HS1BP3: variants seen among roughly 807,000 people sequenced by gnomAD.
HS1BP3 encodes HCLS1 binding protein 3.
Under a neutral mutation model 33.5 loss-of-function variants are expected in HS1BP3, and 32 were observed. The observed-to-expected ratio is 0.95, with a 90% CI of 0.72 to 1.28. The LOEUF is 1.28. Ranked by LOEUF, HS1BP3 falls within the 50% of genes most tolerant of loss-of-function variation. HS1BP3 has a pLI of 0.00. For missense variants in HS1BP3, 486 were observed against 502.3 expected, an observed-to-expected ratio of 0.97 and a Z score of 0.31; for synonymous variants, 187 against 209.2, an observed-to-expected ratio of 0.89 and a Z score of 0.92.
chr2:20,608,574 CAAAA>C (rs60486220), intron 2 of HS1BP3, among the ~76,000 whole-genome samples: 7 of 96,360 alleles, frequency 7.3e-5, no homozygotes, highest in Admixed American at 1.1e-4. Flanking sequence ...AACTCCGTCT[CAAAA>C]AAAAAAAAAA....
chr2:20,631,764 C>T (rs1010514610), intron 4 of HS1BP3, among the ~76,000 whole-genome samples: 6 of 152,092 alleles, frequency 3.9e-5, no homozygotes, highest in Admixed American at 6.6e-5. Flanking sequence ...TGCCCCTCAC[C>T]CATCCTGGCT....
downstream of HS1BP3, among the ~76,000 whole-genome samples, chr2:20,614,838 T>C (rs1476752151): frequency 6.6e-6 from 1 of 152,244 alleles, no homozygotes; most frequent in Admixed American, 6.5e-5. Flanking sequence ...TCAGAAGCTG[T>C]AGCTTTAGCC....
At chr2:20,593,181 C>T (rs886235959) in intron 3 of HS1BP3, among the ~76,000 whole-genome samples, 3 of 152,058 alleles carry the variant, frequency 2.0e-5, no homozygotes, top group Middle Eastern at 3.4e-3. Flanking sequence ...CCATCAGCAT[C>T]GTCAGGTTTA....
At chr2:20,596,373 A>C (rs1237074852) in intron 3 of HS1BP3, among the ~76,000 whole-genome samples, 1 of 152,230 alleles carries the variant, frequency 6.6e-6, no homozygotes, top group Non-Finnish European at 1.5e-5. Flanking sequence ...TGGTATTAGA[A>C]GGTGAGGCCT....
chr2:20,590,664 T>G (rs1216517480), downstream of HS1BP3: 3 of 152,542 alleles, frequency 2.0e-5, no homozygotes, highest in Admixed American at 6.5e-5. Context: ...CAACTGGGCC[T>G]CTATGAATTT....
chr2:20,557,813 G>A (rs1692875529), downstream of HS1BP3, among the ~76,000 whole-genome samples: 1 of 152,204 alleles, frequency 6.6e-6, no homozygotes, highest in Non-Finnish European at 1.5e-5. Context: ...AACCCTGCAG[G>A]GGCCAGGTGC....
At chr2:20,650,466 C>T (rs998379833) in intron 1 of HS1BP3, among the ~76,000 whole-genome samples, 4 of 152,188 alleles carry the variant, frequency 2.6e-5, no homozygotes, top group African/African-American at 9.7e-5. Flanking sequence ...TCCTGAGCTG[C>T]CTCGCAAGCA....
At chr2:20,648,283 A>G (rs1484393322) in intron 1 of HS1BP3, among the ~76,000 whole-genome samples, 1 of 152,076 alleles carries the variant, frequency 6.6e-6, no homozygotes, top group Non-Finnish European at 1.5e-5. Flanking sequence ...TCCTCAACAG[A>G]GGGCCCCATA....
intron 5 of HS1BP3, among the ~76,000 whole-genome samples, chr2:20,587,193 G>A (rs1299472095): frequency 1.3e-5 from 2 of 152,166 alleles, no homozygotes; most frequent in Non-Finnish European, 2.9e-5. Context: ...AATACATTAT[G>A]ATATGTCTGT....
At chr2:20,589,020 T>C (rs1415140017), downstream of HS1BP3, among the ~76,000 whole-genome samples, 2 of 152,206 alleles carry the variant, frequency 1.3e-5, no homozygotes, top group Non-Finnish European at 2.9e-5. Flanking sequence ...AAGTCACCAC[T>C]AACCCAGCAC....
At chr2:20,617,618 G>A (rs1425823035), downstream of HS1BP3, among the ~76,000 whole-genome samples, 55 of 146,138 alleles carry the variant, frequency 3.8e-4, no homozygotes, top group Admixed American at 3.7e-3. Context: ...TCAGCCGGGG[G>A]CTCCCTCAGG....
intron 2 of HS1BP3, among the ~76,000 whole-genome samples, chr2:20,604,861 G>T (rs1350681997): frequency 6.6e-6 from 1 of 152,096 alleles, no homozygotes. Flanking sequence ...GGCCTCACCT[G>T]GTTGCACTAC....
At chr2:20,594,786 G>C (rs1233375415) in intron 3 of HS1BP3, among the ~76,000 whole-genome samples, 1 of 152,128 alleles carries the variant, frequency 6.6e-6, no homozygotes, top group African/African-American at 2.4e-5. Flanking sequence ...CAGCAGCTTC[G>C]GTGTCTGGGA....
intron 5 of HS1BP3, among the ~76,000 whole-genome samples, chr2:20,561,734 C>G (rs560756319): frequency 6.6e-6 from 1 of 152,290 alleles, no homozygotes; most frequent in South Asian, 2.1e-4. Flanking sequence ...ATTTTGTCTT[C>G]TTGGTTTCTG....
intron 2 of HS1BP3, among the ~76,000 whole-genome samples, chr2:20,601,506 G>A (rs1299256485): frequency 1.3e-5 from 2 of 152,178 alleles, no homozygotes; most frequent in African/African-American, 4.8e-5. Context: ...CCCACATGCT[G>A]TGGGAGGGAC....
chr2:20,650,961 T>TC (rs1695676291), intron 1 of HS1BP3, 71 bp downstream of exon 1: 1 of 1,185,584 alleles, frequency 8.4e-7, no homozygotes, highest in South Asian at 4.3e-5. Context: ...GGCGGCGGCC[T>TC]CCCCCCGCCT....
In HS1BP3 at chr2:20,650,910, G is replaced by T. The variant is rs955899365; in HGVS notation, c.32+122C>A. 16 of 872,384 alleles carry T rather than the reference G, an allele frequency of 1.8e-5. No homozygotes were observed. In the African/African-American group the frequency reaches 2.3e-4, roughly 12 times the overall value. The allele number at this position is 872,384 out of a possible 1,614,324, so 54.0% of individuals were successfully genotyped here. A position where few individuals can be genotyped will look rare whatever the true frequency, so the allele number is the denominator to read the frequency against. ...AGGGGCCCAGCCCGGATAAGCCACC[G>T]AGGGCGCTGGGGAGACCTGCACCAG... On this transcript the variant is annotated intron_variant, in intron 1 of 6. Coordinates refer to ENST00000304031, the MANE Select transcript of HS1BP3 (RefSeq NM_022460.4).
intron 2 of HS1BP3, among the ~76,000 whole-genome samples, chr2:20,643,996 C>T (rs763334060): frequency 7.2e-5 from 11 of 152,128 alleles, no homozygotes; most frequent in Non-Finnish European, 1.3e-4. Context: ...TTCAACAGGT[C>T]ACCAGAAAGA....
chr2:20,575,360 C>T (rs1054075112), intron 5 of HS1BP3, among the ~76,000 whole-genome samples: 3 of 152,230 alleles, frequency 2.0e-5, no homozygotes, highest in Non-Finnish European at 1.5e-5. Flanking sequence ...AGCCTGGAAG[C>T]CCTAGTCCAA....
Sources: gnomAD v4.1 joint callset for allele counts (sites outside exome capture counted in the v4.1 genomes callset) on GRCh38, gnomAD v4.1.1 for gene constraint, MANE v1.5 for transcripts, NCBI Gene and HGNC (gene_info 2026-07-23, HGNC 2026-07-21) for gene names.